The following ADGRB3 variants were observed in gnomAD, a reference collection of about 807,000 sequenced individuals.
The protein encoded by ADGRB3 is brain-specific angiogenesis inhibitor 3.
Under a neutral mutation model 193.4 loss-of-function variants are expected in ADGRB3, and 37 were observed. That is an observed-to-expected ratio of 0.19 (90% CI 0.15 to 0.25). The LOEUF is 0.25. Among genes scored for constraint, ADGRB3 ranks in the 10% least tolerant of loss-of-function variants. The pLI is 1.00. For missense variants in ADGRB3, 1,637 were observed against 1,852.9 expected (o/e 0.88, Z 2.14); for synonymous variants, 690 against 644.2 (o/e 1.07, Z -1.08).
rs368996229 is a variant in ADGRB3, at chr6:68,786,180, C to G, written c.758-144379C>G. On this transcript the variant is annotated intron_variant, in intron 3 of 31. Transcript: ENST00000370598. The stretch of plus-strand genomic sequence containing the variant: ...TAATTAGATCCCATTTGTCAATTTT[C>G]GCTTTTGTTGCCATTGCTTTTGGTG... Among the ~76,000 whole-genome samples the G allele has an allele frequency of 9.6e-3, 1,463 of 151,798 alleles. 27 individuals carry two copies. Among genetic ancestry groups the G allele is most frequent in the African/African-American group, 0.033 (1,355 of 41,356 alleles).
At chr6:69,292,462 A>T (rs1386252326) in intron 20 of ADGRB3, among the ~76,000 whole-genome samples, 1 of 152,176 alleles carries the variant, frequency 6.6e-6, no homozygotes, top group Non-Finnish European at 1.5e-5. Context: ...AGTAGCACTC[A>T]GCAGAATGCA....
Position 69,388,982 on chromosome 6 carries a change from A to G in ADGRB3, c.*91A>G, listed in dbSNP as rs1394518597. 7.7e-7 allele frequency: 1 copy of G among 1,302,350 alleles called. No homozygotes were observed. Among genetic ancestry groups the G allele is most frequent in the Non-Finnish European group, 1.0e-6 (1 of 956,826 alleles). 80.7% of individuals were successfully genotyped at this position (1,302,350 alleles called of 1,614,324 possible). Reference sequence around the variant, plus strand: ...CTGACATTTCTATCTGGACAGTGTGACTATCTTATGTCAGGACCTTCATGT... The same window carrying G: ...CTGACATTTCTATCTGGACAGTGTGGCTATCTTATGTCAGGACCTTCATGT... On this transcript the variant is annotated 3_prime_UTR_variant, in exon 32 of 32. Transcript: ENST00000370598.
Position 69,388,862 on chromosome 6 carries a change from C to A in ADGRB3, c.4540C>A (p.Gln1514Lys). 6.2e-7 allele frequency: 1 copy of A among 1,612,414 alleles called. No individual in the cohort carries two copies. Among genetic ancestry groups the A allele is most frequent in the Non-Finnish European group, 8.5e-7 (1 of 1,179,288 alleles). The change falls in exon 32 of 32, where the codon CAA becomes AAA. Residue 1514 changes from glutamine to lysine, a missense_variant. Physicochemically the swap from Gln to Lys is moderately conservative, Grantham distance 53. Around this residue, in one of 7 missense-constraint regions of ADGRB3, gnomAD observed 368 missense variants for 367.4 expected, o/e 1.00. Transcript: ENST00000370598. ...EKCLNLPLDV[Q>K]EGDFQTEV is the part of the protein sequence containing the mutation. Reference sequence around the variant, plus strand: ...GTGTCTGAATTTGCCTCTGGATGTGCAAGAGGGTGACTTTCAAACAGAAGT... The same window carrying A: ...GTGTCTGAATTTGCCTCTGGATGTGAAAGAGGGTGACTTTCAAACAGAAGT...
Position 68,943,813 on chromosome 6 carries a change from T to G in ADGRB3, c.1031-17T>G. 1.3e-6 allele frequency: 2 copies of G among 1,570,804 alleles called. No individual in the cohort carries two copies. Among genetic ancestry groups the G allele is most frequent in the Non-Finnish European group, 1.7e-6 (2 of 1,152,082 alleles). On this transcript the variant is annotated splice_polypyrimidine_tract_variant and intron_variant, in intron 5 of 31. Transcript: ENST00000370598. ...CTGCTCTGCTTTTGTTGTTGAAGCT[T>G]CTTTGCTTTATTACAGTACACGGAG...
intron 16 of ADGRB3, among the ~76,000 whole-genome samples, chr6:69,072,965 A>G (rs1020964255): frequency 4.6e-5 from 7 of 152,338 alleles, no homozygotes; most frequent in African/African-American, 1.7e-4. Flanking sequence ...TCCATGGAAC[A>G]TCTGGATCTA....
At chr6:69,294,512 C>T (rs1767766222) in intron 20 of ADGRB3, among the ~76,000 whole-genome samples, 1 of 152,030 alleles carries the variant, frequency 6.6e-6, no homozygotes, top group East Asian at 1.9e-4. Flanking sequence ...AATATAGAGC[C>T]TTTGATGGCA....
At chr6:68,659,376 A>G (rs987643750) in intron 3 of ADGRB3, among the ~76,000 whole-genome samples, 4 of 150,960 alleles carry the variant, frequency 2.6e-5, no homozygotes, top group African/African-American at 9.7e-5. Flanking sequence ...ATTGTCAGTA[A>G]AAAAATAGGA....
intron 18 of ADGRB3, among the ~76,000 whole-genome samples, chr6:69,234,467 G>T (rs894546252): frequency 5.9e-5 from 9 of 152,076 alleles, no homozygotes; most frequent in Middle Eastern, 3.2e-3. Context: ...TTTGACGTTT[G>T]ATTTTCTTCT....
At chr6:69,177,434 G>A (rs945904106) in intron 17 of ADGRB3, among the ~76,000 whole-genome samples, 1 of 151,858 alleles carries the variant, frequency 6.6e-6, no homozygotes, top group Non-Finnish European at 1.5e-5. Context: ...TCGGCTCACT[G>A]CAAGCTCTGC....
intron 11 of ADGRB3, among the ~76,000 whole-genome samples, chr6:69,004,988 C>G (rs1251155824): frequency 6.6e-6 from 1 of 152,046 alleles, no homozygotes; most frequent in Non-Finnish European, 1.5e-5. Flanking sequence ...CATGGTGGCC[C>G]TTAAGTGTAT....
intron 3 of ADGRB3, among the ~76,000 whole-genome samples, chr6:68,924,048 A>T (rs897672626): frequency 6.6e-5 from 10 of 152,078 alleles, no homozygotes; most frequent in Non-Finnish European, 1.5e-4. Flanking sequence ...AACAAAAAAT[A>T]TCCAACTGCT....
At chr6:68,711,821 A>G (rs1239939390) in intron 3 of ADGRB3, among the ~76,000 whole-genome samples, 1 of 152,096 alleles carries the variant, frequency 6.6e-6, no homozygotes, top group Admixed American at 6.6e-5. Context: ...TACTCAAATA[A>G]ACATGTTTCT....
chr6:68,725,073 A>C (rs1248467266), intron 3 of ADGRB3, among the ~76,000 whole-genome samples: 1 of 151,682 alleles, frequency 6.6e-6, no homozygotes, highest in East Asian at 1.9e-4. Flanking sequence ...TTCACAGATT[A>C]GAAAAGCATT....
chr6:69,258,404 T>G (rs966829085), intron 20 of ADGRB3, among the ~76,000 whole-genome samples: 9 of 152,204 alleles, frequency 5.9e-5, no homozygotes, highest in African/African-American at 1.9e-4. Context: ...ATAAGAAATA[T>G]CTGCATATTG....
At chr6:68,802,703 TAA>T (rs1767335351) in intron 3 of ADGRB3, among the ~76,000 whole-genome samples, 3 of 152,078 alleles carry the variant, frequency 2.0e-5, no homozygotes, top group African/African-American at 7.2e-5. Context: ...TAAATTGTGT[TAA>T]GTTTTTAGAA....
chr6:68,638,217 G>A (rs1350964228), intron 2 of ADGRB3, among the ~76,000 whole-genome samples: 1 of 152,210 alleles, frequency 6.6e-6, no homozygotes. Flanking sequence ...TATCAGATTA[G>A]ATTTTGTATG....
rs141201063 is a variant in ADGRB3 at position 69,213,801 on chromosome 6, T to C, written c.2481-19489T>C. Among the ~76,000 whole-genome samples, 687 of 152,282 alleles carry C rather than the reference T, an allele frequency of 4.5e-3. 7 individuals carry two copies. The highest frequency in any genetic ancestry group is 0.015 in the African/African-American group (638 of 41,564). ...ATAGATGGATCAATAAATAGATTGA[T>C]AGAGAGAATGTGATACAGCATTTAC... On this transcript the variant is annotated intron_variant, in intron 17 of 31. Transcript: ENST00000370598.
chr6:68,691,899 A>G (rs1024908600), intron 3 of ADGRB3, among the ~76,000 whole-genome samples: 3 of 151,590 alleles, frequency 2.0e-5, no homozygotes, highest in Non-Finnish European at 4.4e-5. Context: ...TATAGCCTCC[A>G]TTGGATATCT....
chr6:68,902,448 A>G (rs1766422218), intron 3 of ADGRB3, among the ~76,000 whole-genome samples: 1 of 152,098 alleles, frequency 6.6e-6, no homozygotes, highest in Non-Finnish European at 1.5e-5. Flanking sequence ...TTCATTATGA[A>G]TCAATAATTA....
Sources: gnomAD v4.1 joint callset for allele counts (sites outside exome capture counted in the v4.1 genomes callset) on GRCh38, gnomAD v4.1.1 for gene constraint, gnomAD v4.1.1 regional missense constraint, MANE v1.5 for transcripts, NCBI Gene and HGNC (gene_info 2026-07-23, HGNC 2026-07-21) for gene names.